DST: variants seen among roughly 807,000 people sequenced by gnomAD.
The protein encoded by DST is bullous pemphigoid antigen.
A neutral mutation model predicts 875.2 loss-of-function variants in DST; 253 were observed. The observed-to-expected ratio is 0.29, with a 90% CI of 0.26 to 0.32. The LOEUF is 0.32. Ranked by LOEUF, DST falls within the 10% of genes least tolerant of loss-of-function variation. DST has a pLI of 1.00. For missense variants in DST, 8,287 were observed against 9,111.6 expected, an observed-to-expected ratio of 0.91 and a Z score of 3.68; for synonymous variants, 3,124 against 3,197.1, an observed-to-expected ratio of 0.98 and a Z score of 0.77.
At chr6:56,630,209 A>G (rs2098766779) in intron 31 of DST, 36 bp downstream of exon 31, 1 of 1,428,470 alleles carries the variant, frequency 7.0e-7, no homozygotes, top group Non-Finnish European at 9.8e-7. Context: ...CTTGTAGAAT[A>G]CGATATTTAA....
chr6:56,492,870 C>CAAAAAAA, intron 84 of DST, 64 bp downstream of exon 84: 1 of 967,128 alleles, frequency 1.0e-6, no homozygotes, highest in Non-Finnish European at 1.3e-6. Context: ...GACTCAGTCT[C>CAAAAAAA]AAAAAAAAAA....
intron 4 of DST, among the ~76,000 whole-genome samples, chr6:56,774,328 A>T (rs2099673568): frequency 6.6e-6 from 1 of 151,926 alleles, no homozygotes; most frequent in Non-Finnish European, 1.5e-5. Context: ...CTCTCTAAAA[A>T]AGTCATTTCC....
chr6:56,516,853 A>G (rs1334343222), intron 71 of DST, among the ~76,000 whole-genome samples: 1 of 152,188 alleles, frequency 6.6e-6, no homozygotes, highest in Non-Finnish European at 1.5e-5. Context: ...TCTCTGAAGC[A>G]CATAAACAAT....
chr6:56,505,735 T>C (rs2096288198), intron 77 of DST, among the ~76,000 whole-genome samples: 1 of 152,060 alleles, frequency 6.6e-6, no homozygotes, highest in Non-Finnish European at 1.5e-5. Flanking sequence ...GGATGAAAGA[T>C]TAAACTCCTG....
chr6:56,460,944 G>C (rs2094297488), intron 102 of DST: 1 of 151,186 alleles, frequency 6.6e-6, no homozygotes, highest in African/African-American at 2.4e-5. Flanking sequence ...ACAATCATAA[G>C]TATGAGATTT....
chr6:56,940,191 TACACACAC>T (rs59001581), intron 2 of DST, among the ~76,000 whole-genome samples: 13,629 of 142,254 alleles, frequency 0.096, 692 homozygotes, highest in East Asian at 0.17. Context: ...ATTACCCCCA[TACACACAC>T]ACACACACAC....
At position 56,517,539 on chromosome 6, in the gene DST, C is replaced by G; in HGVS notation, c.18211G>C (p.Glu6071Gln). 2.5e-6 allele frequency: 4 copies of G among 1,613,218 alleles called. No individual in the cohort carries two copies. The highest frequency in any genetic ancestry group is 3.4e-6 in the Non-Finnish European group (4 of 1,179,566). The change falls in exon 70 of 104, where the codon GAG becomes CAG. Residue 6071 changes from glutamate to glutamine, a missense_variant. Glu to Gln is a conservative substitution (Grantham distance 29). Around this residue, in one of 10 missense-constraint regions of DST, gnomAD observed 777 missense variants for 764.8 expected, o/e 1.02. Coordinates refer to ENST00000680361, the MANE Select transcript of DST (RefSeq NM_001374736.1). ...KLMSLGDIRL[E>Q]QDQTSAQLQV... is the part of the protein sequence containing the mutation. ...AGCTGAGCAGAAGTCTGGTCTTGCT[C>G]AAGCCTGATGTCACCCAGAGACATC...
rs370227591 is a variant in DST at position 56,608,526 on chromosome 6, G to A, written c.6102C>T (p.Ile2034=). 10 of 1,613,544 alleles carry A rather than the reference G, an allele frequency of 6.2e-6. 1 individual carries two copies. The highest frequency in any genetic ancestry group is 1.1e-5 in the South Asian group (1 of 91,058). ...AACGCTTGGCAGGGTTTGACTGGAT[G>A]ATTCCACCAGTTTGAACCTGATATG... is the stretch of plus-strand genomic sequence containing the variant. ...ILTYQVQTGG[I]IQSNPAKRLT... Residue 2034 remains isoleucine, a synonymous_variant, in exon 40 of 104, where the codon ATC becomes ATT. Transcript: ENST00000680361.
At chr6:56,522,581 G>A (rs542156515) in intron 69 of DST, among the ~76,000 whole-genome samples, 43 of 152,182 alleles carry the variant, frequency 2.8e-4, no homozygotes, top group Admixed American at 1.1e-3. Context: ...TCTCATTTCC[G>A]TAGGAGATGT....
chr6:56,673,160 G>T (rs60360068), intron 9 of DST, among the ~76,000 whole-genome samples: 1 of 152,020 alleles, frequency 6.6e-6, no homozygotes, highest in African/African-American at 2.4e-5. Context: ...GAGGCAGATC[G>T]CCTGAGTCTA....
chr6:56,630,249 A>G lies in DST; in HGVS notation c.4277T>C (p.Leu1426Ser). 1 of 1,585,386 alleles carries G rather than the reference A, an allele frequency of 6.3e-7. No individual in the cohort carries two copies. Among genetic ancestry groups the G allele is most frequent in the Non-Finnish European group, 8.6e-7 (1 of 1,156,208 alleles). ...ATCCAAAAGTGAGTCTCATACCTTT[A>G]AAGTACTTATTAGATTCTCAATATT... Reference protein sequence around the residue: ...KNNIENLISTLKQWRSEVDEK... With the variant: ...KNNIENLISTSKQWRSEVDEK... The change falls in exon 31 of 104, where the codon TTA becomes TCA. Residue 1426 changes from leucine (L) to serine (S), a missense_variant. Transcript: ENST00000680361.
intron 4 of DST, among the ~76,000 whole-genome samples, chr6:56,759,914 T>C (rs980638677): frequency 2.0e-5 from 3 of 152,228 alleles, no homozygotes; most frequent in Non-Finnish European, 4.4e-5. Context: ...AATCTAATAG[T>C]TTCACAGAAT....
rs1198946627 is a variant in DST, at chr6:56,868,050, GT to G, written c.418-16447del. 2.0e-5 allele frequency among the ~76,000 whole-genome samples: 3 copies of G among 151,988 alleles called. No homozygotes were observed. The East Asian group carries it at 5.8e-4, about 29-fold the overall frequency. On this transcript the variant is annotated intron_variant, in intron 3 of 103. Coordinates refer to ENST00000680361, the MANE Select transcript of DST (RefSeq NM_001374736.1). ...CATAAATTCCAAATATTATTATGTA[GT>G]TTTTTTAAAAAACATTAAATGTCTG...
chr6:56,778,360 T>C (rs995262807), intron 4 of DST, among the ~76,000 whole-genome samples: 1 of 151,796 alleles, frequency 6.6e-6, no homozygotes, highest in African/African-American at 2.4e-5. Flanking sequence ...TCTCTTTTTT[T>C]TTTTTTTTTC....
chr6:56,914,485 C>A (rs1356738072), intron 2 of DST, among the ~76,000 whole-genome samples: 1 of 152,202 alleles, frequency 6.6e-6, no homozygotes, highest in African/African-American at 2.4e-5. Context: ...ATTGCTTCAA[C>A]TAGGGACAAC....
At chr6:56,880,968 C>T (rs374674320) in intron 3 of DST, among the ~76,000 whole-genome samples, 1 of 148,022 alleles carries the variant, frequency 6.8e-6, no homozygotes, top group Non-Finnish European at 1.5e-5. Flanking sequence ...CTGGCTTAGC[C>T]TCCCGAGTAG....
intron 55 of DST, among the ~76,000 whole-genome samples, chr6:56,564,308 A>G (rs60937563): frequency 0.016 from 2,426 of 152,200 alleles, 62 homozygotes; most frequent in African/African-American, 0.055. Flanking sequence ...TGTAAGTTCT[A>G]TTCCTAGGTA....
intron 9 of DST, among the ~76,000 whole-genome samples, chr6:56,689,086 T>C (rs568094085): frequency 2.0e-5 from 3 of 152,278 alleles, no homozygotes; most frequent in African/African-American, 7.2e-5. Flanking sequence ...CTACTTAACT[T>C]TCCTGAGACT....
In DST at chr6:56,497,517, T is replaced by A. The variant is rs1045743826; in HGVS notation, c.20095-10A>T. ...CATGGAACCCTTTGGCCTGAAGTAA[T>A]AGGCAGTTTTAAGTTGGGGCCATAA... On this transcript the variant is annotated splice_polypyrimidine_tract_variant and intron_variant, in intron 81 of 103. Transcript: ENST00000680361. 1 of 1,611,520 alleles carries A rather than the reference T, an allele frequency of 6.2e-7. No individual in the cohort carries two copies. Among genetic ancestry groups the A allele is most frequent in the African/African-American group, 1.3e-5 (1 of 74,830 alleles).
Sources: gnomAD v4.1 joint callset for allele counts (sites outside exome capture counted in the v4.1 genomes callset) on GRCh38, gnomAD v4.1.1 for gene constraint, gnomAD v4.1.1 regional missense constraint, MANE v1.5 for transcripts, NCBI Gene and HGNC (gene_info 2026-07-23, HGNC 2026-07-21) for gene names.